Variants in ATP10B observed in about 807,000 individuals in gnomAD.
ATP10B encodes the protein ATPase phospholipid transporting 10B (putative).
ATP10B carries 122 observed loss-of-function variants against 141.2 expected under a neutral mutation model. That is an observed-to-expected ratio of 0.86 (90% CI 0.75 to 1.00). The LOEUF (loss-of-function observed/expected upper bound fraction) is 1.00. Ranked by LOEUF, ATP10B falls within the 50% of genes least tolerant of loss-of-function variation. The pLI is 0.00. For synonymous variants in ATP10B, 685 were observed against 692.0 expected (o/e 0.99, Z 0.16); for missense variants, 1,876 against 1,825.3 (o/e 1.03, Z -0.51).
At chr5:160,829,547 A>G (rs1350907220) in intron 1 of ATP10B, among the ~76,000 whole-genome samples, 1 of 152,068 alleles carries the variant, frequency 6.6e-6, no homozygotes, top group Non-Finnish European at 1.5e-5. Context: ...CTAAATTCCA[A>G]TAGGGAAGTA....
At chr5:160,577,606 T>C (rs912374329) in intron 24 of ATP10B, among the ~76,000 whole-genome samples, 10 of 152,212 alleles carry the variant, frequency 6.6e-5, no homozygotes, top group African/African-American at 2.4e-4. Context: ...TCGTGGATTT[T>C]GCCATTAAAA....
chr5:160,812,020 C>CACACAGAGAGAGAGAGAGAGAG (rs1211580744), intron 1 of ATP10B, among the ~76,000 whole-genome samples: 1 of 111,420 alleles, frequency 9.0e-6, no homozygotes, highest in Non-Finnish European at 2.0e-5. Flanking sequence ...GAGACAGAGA[C>CACACAGAGAGAGAGAGAGAGAG]AGAGAGAGAG....
At chr5:160,575,930 C>T (rs536456306) in intron 24 of ATP10B, among the ~76,000 whole-genome samples, 1 of 152,322 alleles carries the variant, frequency 6.6e-6, no homozygotes, top group East Asian at 1.9e-4. Context: ...CTTCATCCTG[C>T]TTTCCTCTCT....
chr5:160,885,632 C>G, the ATP10B span, among the ~76,000 whole-genome samples: 2 of 152,174 alleles, frequency 1.3e-5, no homozygotes, highest in East Asian at 3.8e-4. Context: ...AAAAACATGG[C>G]ATAGAATGAG....
the ATP10B span, among the ~76,000 whole-genome samples, chr5:160,871,324 A>G: frequency 8.8e-4 from 134 of 152,178 alleles, no homozygotes; most frequent in Admixed American, 7.1e-3. Context: ...TTTTTACTCA[A>G]TTGTTGTTAT....
intron 7 of ATP10B, among the ~76,000 whole-genome samples, chr5:160,653,166 A>G (rs1442082507): frequency 7.6e-6 from 1 of 131,046 alleles, no homozygotes; most frequent in African/African-American, 3.0e-5. Context: ...CATAATATAT[A>G]TTATATATAC....
chr5:160,761,991 G>A (rs1290278350), intron 2 of ATP10B, among the ~76,000 whole-genome samples: 1 of 152,080 alleles, frequency 6.6e-6, no homozygotes, highest in African/African-American at 2.4e-5. Context: ...AGAGCTTGAA[G>A]ACAAGGCTTT....
At chr5:160,831,786 T>C (rs1395463485) in intron 1 of ATP10B, among the ~76,000 whole-genome samples, 1 of 152,094 alleles carries the variant, frequency 6.6e-6, no homozygotes, top group African/African-American at 2.4e-5. Flanking sequence ...AACAAAATTG[T>C]TTACAGTTCT....
At chr5:160,594,130 G>A (rs1756516126) in intron 22 of ATP10B, among the ~76,000 whole-genome samples, 3 of 152,188 alleles carry the variant, frequency 2.0e-5, no homozygotes, top group Admixed American at 1.3e-4. Flanking sequence ...GTCAAGGGCA[G>A]CCAGAGAGAA....
chr5:160,831,458 A>G (rs188371304), intron 1 of ATP10B, among the ~76,000 whole-genome samples: 36 of 152,228 alleles, frequency 2.4e-4, no homozygotes, highest in Admixed American at 3.9e-4. Context: ...AGTACATAAT[A>G]CTTCATTTGT....
chr5:160,585,608 A>C (rs1755833216), intron 24 of ATP10B, among the ~76,000 whole-genome samples: 1 of 152,226 alleles, frequency 6.6e-6, no homozygotes, highest in African/African-American at 2.4e-5. Context: ...TCTCCAAAAA[A>C]CAAACAAAAA....
chr5:160,708,444 G>C (rs1440770506), intron 3 of ATP10B, among the ~76,000 whole-genome samples: 1 of 152,088 alleles, frequency 6.6e-6, no homozygotes, highest in African/African-American at 2.4e-5. Flanking sequence ...GTACACGTGA[G>C]GATTTGGTGA....
intron 21 of ATP10B, among the ~76,000 whole-genome samples, chr5:160,600,002 A>G (rs56808946): frequency 2.7e-4 from 41 of 152,164 alleles, no homozygotes; most frequent in Admixed American, 5.2e-4. Flanking sequence ...TCTCTATTTT[A>G]ACATATTGCC....
At chr5:160,880,195 T>A in the ATP10B span, among the ~76,000 whole-genome samples, 4 of 131,254 alleles carry the variant, frequency 3.0e-5, no homozygotes, top group Admixed American at 3.4e-4. Context: ...TATTTTTATA[T>A]ATAGATTATA....
chr5:160,821,702 C>T (rs746085244), intron 1 of ATP10B, among the ~76,000 whole-genome samples: 21 of 151,944 alleles, frequency 1.4e-4, no homozygotes, highest in Non-Finnish European at 2.5e-4. Context: ...GAGTTAAATC[C>T]GTACATCTAT....
chr5:160,687,989 G>A lies in ATP10B; in HGVS notation c.86C>T (p.Pro29Leu), dbSNP rs368370866. Residue 29 changes from proline (P) to leucine (L), a missense_variant, in exon 5 of 26, where the codon CCG (proline) becomes CTG (leucine). By Grantham distance (98) the Pro-to-Leu change is moderately conservative. Coordinates refer to ENST00000327245, the MANE Select transcript of ATP10B (RefSeq NM_025153.3). ...TCTCCCTTTCTCTGGAGAGAGCAGC[G>A]GTGTGGTTTCCGATGGACAATGGGG... ...GFPHCPSETT[P>L]LLSPEKGRQS... The A allele has an allele frequency of 3.0e-5, 49 of 1,614,022 alleles. No homozygotes were observed. Among genetic ancestry groups the A allele is most frequent in the African/African-American group, 1.3e-4 (10 of 74,992 alleles).
chr5:160,841,036 T>C lies in ATP10B; in HGVS notation c.-576+10905A>G, dbSNP rs148468638. 6.7e-3 allele frequency among the ~76,000 whole-genome samples: 1,013 copies of C among 152,246 alleles called. 7 individuals carry two copies. Among genetic ancestry groups the C allele is most frequent in the Non-Finnish European group, 0.01 (682 of 68,008 alleles). On this transcript the variant is annotated intron_variant, in intron 1 of 25. Transcript: ENST00000327245. ...AATCCTTACTGAGGGAGATTTGGCA[T>C]CAGTTAATAAAACTATACATGCATC... is the stretch of plus-strand genomic sequence containing the variant.
At chr5:160,817,187 C>T (rs202111749) in intron 1 of ATP10B, among the ~76,000 whole-genome samples, 2 of 152,140 alleles carry the variant, frequency 1.3e-5, no homozygotes. Flanking sequence ...AAAGGGTATA[C>T]AATTAGGAAA....
At chr5:160,851,092 T>C (rs974941022) in intron 1 of ATP10B, among the ~76,000 whole-genome samples, 4 of 152,292 alleles carry the variant, frequency 2.6e-5, no homozygotes, top group South Asian at 4.1e-4. Context: ...GAGTGCCAGA[T>C]TGGCTTTGGG....
Sources: allele counts gnomAD v4.1 joint callset (sites outside exome capture counted in the v4.1 genomes callset), GRCh38; gene constraint gnomAD v4.1.1; transcripts MANE v1.5; gene names NCBI Gene and HGNC (gene_info 2026-07-23, HGNC 2026-07-21).